PTBP2: variants seen among roughly 807,000 people sequenced by gnomAD.
PTBP2 encodes the protein polypyrimidine tract-binding protein 2.
Under a neutral mutation model 61.4 loss-of-function variants are expected in PTBP2, and 13 were observed. That is an observed-to-expected ratio of 0.21 (90% confidence interval 0.14 to 0.34). The LOEUF is 0.34. Among genes scored for constraint, PTBP2 ranks in the 10% least tolerant of loss-of-function variants. The pLI, the probability that PTBP2 is intolerant of heterozygous loss-of-function variation, is 1.00. For synonymous variants in PTBP2, 215 were observed against 218.5 expected (o/e 0.98, Z 0.14); for missense variants, 405 against 642.6 (o/e 0.63, Z 4.00).
At chr1:96,812,679 T>C (rs550995524) in intron 11 of PTBP2, 33 bp from the exon 12 acceptor site, 12 of 1,434,924 alleles carry the variant, frequency 8.4e-6, no homozygotes, top group Non-Finnish European at 1.2e-5. Flanking sequence ...AGCTTTGATA[T>C]TGTTTGTTAA....
chr1:96,782,639 T>G (rs539415987), intron 7 of PTBP2, among the ~76,000 whole-genome samples: 126 of 152,118 alleles, frequency 8.3e-4, no homozygotes, highest in African/African-American at 2.7e-3. Context: ...TAATTTTGTG[T>G]TGTTGATTTT....
At chr1:96,782,180 T>C (rs1219787067) in intron 7 of PTBP2, among the ~76,000 whole-genome samples, 1 of 152,030 alleles carries the variant, frequency 6.6e-6, no homozygotes, top group African/African-American at 2.4e-5. Flanking sequence ...GGAATATCTT[T>C]AGTTGACACT....
At chr1:96,734,328 A>G (rs970987264) in intron 2 of PTBP2, among the ~76,000 whole-genome samples, 5 of 152,216 alleles carry the variant, frequency 3.3e-5, no homozygotes, top group Non-Finnish European at 7.3e-5. Context: ...TTTAAAGAAT[A>G]GGGACTCTCC....
chr1:96,790,976 C>A lies in PTBP2; in HGVS notation c.904+5722C>A, dbSNP rs553722831. On this transcript the variant is annotated intron_variant, in intron 8 of 13. Transcript: ENST00000674951. The stretch of plus-strand genomic sequence containing the variant: ...TACATTCGTATTTTATCGGTAAATA[C>A]CAATAGATTATAAATCACTTTTCTC... Among the ~76,000 whole-genome samples the A allele has an allele frequency of 2.0e-5, 3 of 151,418 alleles. No individual in the cohort carries two copies. The South Asian group carries it at 6.3e-4, about 32-fold the overall frequency.
chr1:96,772,151 A>G (rs1449528735), intron 5 of PTBP2, among the ~76,000 whole-genome samples: 1 of 152,166 alleles, frequency 6.6e-6, no homozygotes, highest in Non-Finnish European at 1.5e-5. Context: ...GGAACTTCTG[A>G]TTGACCAGCT....
At chr1:96,752,887 C>T (rs74956305) in intron 3 of PTBP2, among the ~76,000 whole-genome samples, 3,340 of 152,060 alleles carry the variant, frequency 0.022, 135 homozygotes, top group African/African-American at 0.075. Context: ...AAGGGGTACA[C>T]GTGAGGTAAG....
chr1:96,735,500 A>G (rs909961344), intron 2 of PTBP2, among the ~76,000 whole-genome samples: 4 of 152,152 alleles, frequency 2.6e-5, no homozygotes, highest in African/African-American at 9.7e-5. Flanking sequence ...GTTAGATGAG[A>G]TGAGGAAAAG....
intron 8 of PTBP2, among the ~76,000 whole-genome samples, chr1:96,803,403 G>A (rs973672017): frequency 1.3e-5 from 2 of 151,732 alleles, no homozygotes; most frequent in African/African-American, 4.8e-5. Flanking sequence ...ATAAAAAAAA[G>A]GGAGCAAAGT....
chr1:96,818,925 C>T (rs1316516200), downstream of PTBP2: 1 of 151,872 alleles, frequency 6.6e-6, no homozygotes, highest in East Asian at 1.9e-4. Context: ...CCAATCCAGT[C>T]TTCAATGTAT....
chr1:96,745,237 A>G (rs1460227381), intron 2 of PTBP2, among the ~76,000 whole-genome samples: 1 of 151,682 alleles, frequency 6.6e-6, no homozygotes, highest in African/African-American at 2.4e-5. Context: ...ATCTCGGCTC[A>G]CAGCAAGCTT....
At position 96,761,346 on chromosome 1, in the gene PTBP2, A is replaced by ATATGTGTG. The variant is rs375632927; in HGVS notation, c.116-8356_116-8355insATGTGTGT. 1.6e-4 allele frequency among the ~76,000 whole-genome samples: 23 copies of ATATGTGTG among 140,574 alleles called. 1 individual carries two copies. In the East Asian group the frequency reaches 3.9e-3, roughly 24 times the overall value. The allele number at this position is 140,574 out of a possible 152,430, so 92.2% of individuals were successfully genotyped here. On this transcript the variant is annotated intron_variant, in intron 3 of 13. Coordinates refer to ENST00000674951, the MANE Select transcript of PTBP2 (RefSeq NM_021190.4). Reference sequence around the variant, plus strand: ...AGCAGGGGCCTAGATGTGGGATTTGATGTGTGTGTGTGTGTGTGTGTGTGT... The same window carrying ATATGTGTG: ...AGCAGGGGCCTAGATGTGGGATTTGATATGTGTGTGTGTGTGTGTGTGTGTGTGTGTGT...
At chr1:96,763,819 T>TC (rs935431539) in intron 3 of PTBP2, among the ~76,000 whole-genome samples, 11 of 152,288 alleles carry the variant, frequency 7.2e-5, no homozygotes, top group African/African-American at 2.2e-4. Context: ...CTATTTTTTT[T>TC]CTGACAAAAA....
At chr1:96,773,791 C>G (rs780667911) in intron 5 of PTBP2, among the ~76,000 whole-genome samples, 10 of 151,556 alleles carry the variant, frequency 6.6e-5, no homozygotes, top group Non-Finnish European at 1.3e-4. Context: ...GGTGAAACCC[C>G]GTCTGTACTA....
At chr1:96,782,728 G>T (rs1251882771) in intron 7 of PTBP2, among the ~76,000 whole-genome samples, 1 of 151,998 alleles carries the variant, frequency 6.6e-6, no homozygotes, top group Non-Finnish European at 1.5e-5. Context: ...CTCAGTGTGT[G>T]TTAAATCTGA....
At position 96,768,091 on chromosome 1, in the gene PTBP2, C is replaced by T. The variant is rs138970483; in HGVS notation, c.116-1612C>T. On this transcript the variant is annotated intron_variant, in intron 3 of 13. Transcript: ENST00000674951. ...ACCTTCTCTGATCATCCAATAAAGTCATTACTACTATCAATCTTCCAGTCC... is the reference window on the plus strand; with the variant it reads ...ACCTTCTCTGATCATCCAATAAAGTTATTACTACTATCAATCTTCCAGTCC... 4.4e-3 allele frequency among the ~76,000 whole-genome samples: 664 copies of T among 152,184 alleles called. 1 individual carries two copies. The highest frequency in any genetic ancestry group is 0.015 in the African/African-American group (611 of 41,548).
chr1:96,800,981 A>G (rs1660929289), intron 8 of PTBP2, among the ~76,000 whole-genome samples: 1 of 152,112 alleles, frequency 6.6e-6, no homozygotes, highest in Non-Finnish European at 1.5e-5. Flanking sequence ...CATGTTTTTA[A>G]CCATCTTTAA....
chr1:96,750,404 C>G (rs1028791590), intron 2 of PTBP2, among the ~76,000 whole-genome samples: 3 of 144,878 alleles, frequency 2.1e-5, no homozygotes, highest in Admixed American at 6.9e-5. Context: ...TTTTTTTTTT[C>G]TTTGTGCATT....
intron 4 of PTBP2, among the ~76,000 whole-genome samples, chr1:96,770,483 T>A (rs868364343): frequency 6.6e-6 from 1 of 152,098 alleles, no homozygotes; most frequent in Middle Eastern, 3.4e-3. Flanking sequence ...TGAAAAATCA[T>A]AGGTGGAAGG....
chr1:96,766,594 A>T (rs1656747851), intron 3 of PTBP2, among the ~76,000 whole-genome samples: 1 of 152,142 alleles, frequency 6.6e-6, no homozygotes, highest in Non-Finnish European at 1.5e-5. Flanking sequence ...TTATATTTGA[A>T]AATAGGCTTT....
Sources: allele counts gnomAD v4.1 joint callset (sites outside exome capture counted in the v4.1 genomes callset), GRCh38; gene constraint gnomAD v4.1.1; transcripts MANE v1.5; gene names NCBI Gene and HGNC (gene_info 2026-07-23, HGNC 2026-07-21).